Variants in AMELX observed in about 807,000 individuals in gnomAD.
The protein encoded by AMELX is amelogenin X-linked, also known as amelogenin, X isoform.
In AMELX, 9 loss-of-function variants were observed where a neutral mutation model predicts 15.8. That is an observed-to-expected ratio of 0.57 (90% CI 0.34 to 0.99). AMELX has a LOEUF of 0.99. AMELX is among the 50% of genes least tolerant of loss of function. AMELX has a pLI of 0.02. For synonymous variants in AMELX, 61 were observed against 58.8 expected, an observed-to-expected ratio of 1.04 and a Z score of -0.17; for missense variants, 107 against 156.2, an observed-to-expected ratio of 0.68 and a Z score of 1.68.
intron 2 of AMELX, 40 bp from the exon 3 acceptor site, chrX:11,296,737 TTC>T (rs1399643949): frequency 8.7e-7 from 1 of 1,153,107 alleles, no homozygotes; most frequent in African/African-American, 1.8e-5. Context: ...ACTCTCTCCC[TTC>T]CTCTCTCTTT....
At chrX:11,299,838 A>G (rs774439738) in intron 5 of AMELX, among the ~76,000 whole-genome samples, 6 of 112,258 alleles carry the variant, frequency 5.3e-5, no homozygotes, top group African/African-American at 1.6e-4. Flanking sequence ...CTTTGCCCTC[A>G]AAGACGAGGC....
chrX:11,294,900 A>T, intron 2 of AMELX, 58 bp downstream of exon 2: 1 of 1,146,175 alleles, frequency 8.7e-7, no homozygotes, highest in Non-Finnish European at 1.2e-6. Flanking sequence ...TGGACATAAA[A>T]ATCTGCTCAT....
the AMELX span, among the ~76,000 whole-genome samples, chrX:11,308,762 G>T: frequency 8.9e-6 from 1 of 111,982 alleles, no homozygotes; most frequent in Non-Finnish European, 1.9e-5. Context: ...GTAACATTAA[G>T]ACCCATGCAA....
Position 11,298,540 on chromosome X carries a change from C to G in AMELX, c.145-8C>G. 1.7e-6 allele frequency: 2 copies of G among 1,211,463 alleles called. No individual in the cohort carries two copies. Among genetic ancestry groups the G allele is most frequent in the Non-Finnish European group, 2.2e-6 (2 of 895,491 alleles). ...CAATGGTAAACCTGCCTCTCTGTTT[C>G]TCACCAGTACCCTTCCTATGGTTAC... On this transcript the variant is annotated splice_polypyrimidine_tract_variant and splice_region_variant and intron_variant, in intron 4 of 5. Transcript: ENST00000380714.
chrX:11,293,838 C>CCAAA (rs955858870), intron 1 of AMELX, among the ~76,000 whole-genome samples: 3 of 111,121 alleles, frequency 2.7e-5, no homozygotes, highest in Non-Finnish European at 5.7e-5. Context: ...TCTCATTAAC[C>CCAAA]CAAACAAACA....
At chrX:11,307,181 C>T in the AMELX span, among the ~76,000 whole-genome samples, 3 of 110,946 alleles carry the variant, frequency 2.7e-5, no homozygotes, top group Admixed American at 2.9e-4. Flanking sequence ...CTTGGCCCTC[C>T]GCTATCTTCC....
the AMELX span, among the ~76,000 whole-genome samples, chrX:11,306,674 TAAAC>T: frequency 8.9e-6 from 1 of 112,488 alleles, no homozygotes; most frequent in Non-Finnish European, 1.9e-5. Context: ...ATTTGAAAGA[TAAAC>T]TAATTCGTCA....
the AMELX span, among the ~76,000 whole-genome samples, chrX:11,306,447 TA>T: frequency 8.9e-6 from 1 of 112,807 alleles, no homozygotes; most frequent in Admixed American, 9.3e-5. Context: ...TGCTGTCATA[TA>T]AAAGTAATGA....
In AMELX at chrX:11,298,927, C is replaced by T; in HGVS notation, c.524C>T (p.Thr175Ile). The change falls in exon 5 of 6, where the codon ACT becomes ATT. Residue 175 changes from threonine (T) to isoleucine (I), a missense_variant. Transcript: ENST00000380714. ...QPLPPMLPDLTLEAWPSTDKT... is the reference protein window; with the variant it reads ...QPLPPMLPDLILEAWPSTDKT... Reference sequence around the variant, plus strand: ...CTGCCTCCCATGCTTCCTGATCTGACTCTGGAAGCTTGGCCATCAACAGAC... The same window carrying T: ...CTGCCTCCCATGCTTCCTGATCTGATTCTGGAAGCTTGGCCATCAACAGAC... The T allele has an allele frequency of 8.3e-7, 1 of 1,211,131 alleles. No individual in the cohort carries two copies. The highest frequency in any genetic ancestry group is 1.1e-6 in the Non-Finnish European group (1 of 895,371).
downstream of AMELX, among the ~76,000 whole-genome samples, chrX:11,305,505 G>A (rs752067417): frequency 3.5e-4 from 39 of 112,556 alleles, no homozygotes; most frequent in Admixed American, 3.6e-3. Context: ...TCTCCTGTGA[G>A]TTAATTGTTC....
chrX:11,295,466 A>G (rs557955206), intron 2 of AMELX, among the ~76,000 whole-genome samples: 2 of 111,678 alleles, frequency 1.8e-5, no homozygotes, highest in African/African-American at 6.5e-5. Context: ...CAAATGTATT[A>G]AAGATCAGGA....
Position 11,298,839 on chromosome X carries a change from GTGCACCCCA to G in AMELX, c.441_449del (p.His147_Met149del), listed in dbSNP as rs1569291878. 8.3e-7 allele frequency: 1 copy of G among 1,208,200 alleles called. No individual in the cohort carries two copies. Among genetic ancestry groups the G allele is most frequent in the African/African-American group, 1.8e-5 (1 of 56,710 alleles). ...CCAGCCCATGCAGCCCCAGCCACCTGTGCACCCCATGCAGCCCCTGCCGCCACAGCCACC... is the reference window on the plus strand; with the variant it reads ...CCAGCCCATGCAGCCCCAGCCACCTGTGCAGCCCCTGCCGCCACAGCCACC... On this transcript the variant is annotated inframe_deletion, in exon 5 of 6. Coordinates refer to ENST00000380714, the MANE Select transcript of AMELX (RefSeq NM_001142.2).
chrX:11,300,703 T>C lies in AMELX; in HGVS notation c.*91T>C, dbSNP rs2048162484. ...GATTTTTGCTTATAATCACTTTACT[T>C]AGCAAATTCTGTAACTAAAAAAGTA... On this transcript the variant is annotated 3_prime_UTR_variant, in exon 6 of 6. Transcript: ENST00000380714. The C allele has an allele frequency of 9.1e-6, 8 of 875,252 alleles. No homozygotes were observed. The highest frequency in any genetic ancestry group is 1.3e-5 in the Non-Finnish European group (8 of 602,406). The allele number at this position is 875,252 out of a possible 1,213,427, so 72.1% of individuals were successfully genotyped here.
the AMELX span, among the ~76,000 whole-genome samples, chrX:11,305,960 G>A: frequency 8.9e-6 from 1 of 111,751 alleles, no homozygotes; most frequent in Non-Finnish European, 1.9e-5. Context: ...CCAGGCCATC[G>A]AACACCCTAT....
At chrX:11,307,693 T>C in the AMELX span, among the ~76,000 whole-genome samples, 2 of 112,401 alleles carry the variant, frequency 1.8e-5, no homozygotes, top group Non-Finnish European at 3.8e-5. Flanking sequence ...AAGTACTTAT[T>C]AAACATTGCT....
At chrX:11,308,938 T>C in the AMELX span, among the ~76,000 whole-genome samples, 1 of 112,049 alleles carries the variant, frequency 8.9e-6, no homozygotes, top group East Asian at 2.8e-4. Context: ...GTATGTAATA[T>C]TCCAATAAGC....
chrX:11,309,433 T>G, the AMELX span, among the ~76,000 whole-genome samples: 1 of 109,924 alleles, frequency 9.1e-6, no homozygotes, highest in Non-Finnish European at 1.9e-5. Flanking sequence ...AACTAGAGGA[T>G]CTCGGAGGGA....
chrX:11,309,150 G>T, the AMELX span, among the ~76,000 whole-genome samples: 1 of 111,974 alleles, frequency 8.9e-6, no homozygotes, highest in East Asian at 2.8e-4. Context: ...ATTACCCCAT[G>T]GAATCTTTCA....
chrX:11,304,353 G>T (rs1242253957), downstream of AMELX, among the ~76,000 whole-genome samples: 2 of 111,217 alleles, frequency 1.8e-5, no homozygotes, highest in Non-Finnish European at 3.8e-5. Context: ...GCCTCCCAAA[G>T]TGCTAGGATT....
Sources: gnomAD v4.1 joint callset for allele counts (sites outside exome capture counted in the v4.1 genomes callset) on GRCh38, gnomAD v4.1.1 for gene constraint, MANE v1.5 for transcripts, NCBI Gene and HGNC (gene_info 2026-07-23, HGNC 2026-07-21) for gene names.